Variants in MRAS observed in about 807,000 individuals in gnomAD.
MRAS encodes the protein ras-related protein M-Ras.
In MRAS, 4 loss-of-function variants were observed where a neutral mutation model predicts 20.9. The ratio of observed to expected loss-of-function variants is 0.19; its 90% CI spans 0.09 to 0.44. The LOEUF is 0.44. Ranked by LOEUF, MRAS falls within the 20% of genes least tolerant of loss-of-function variation. The pLI, the probability that MRAS is intolerant of heterozygous loss-of-function variation, is 0.99. For missense variants in MRAS, 154 were observed against 277.5 expected, an observed-to-expected ratio of 0.56 and a Z score of 3.16; for synonymous variants, 98 against 102.9, an observed-to-expected ratio of 0.95 and a Z score of 0.29.
chr3:138,390,840 T>G (rs1219228887), intron 2 of MRAS, among the ~76,000 whole-genome samples: 1 of 152,254 alleles, frequency 6.6e-6, no homozygotes, highest in African/African-American at 2.4e-5. Context: ...TATTAGTGTA[T>G]TTAGGTTTTA....
intron 2 of MRAS, among the ~76,000 whole-genome samples, chr3:138,380,460 G>C (rs2054877317): frequency 6.6e-6 from 1 of 151,226 alleles, no homozygotes. Flanking sequence ...TTACAGGCGT[G>C]CACCACCACG....
intron 2 of MRAS, among the ~76,000 whole-genome samples, chr3:138,394,592 C>T (rs1187234007): frequency 6.6e-6 from 1 of 152,208 alleles, no homozygotes; most frequent in Non-Finnish European, 1.5e-5. Context: ...CTCTTCTCTT[C>T]TCTATGTCTG....
chr3:138,378,150 C>T (rs1222734273), intron 2 of MRAS, among the ~76,000 whole-genome samples: 1 of 152,218 alleles, frequency 6.6e-6, no homozygotes, highest in Non-Finnish European at 1.5e-5. Flanking sequence ...TCTTACTCCT[C>T]ACCCAGGGTC....
At position 138,404,319 on chromosome 3, in the gene MRAS, CAG is replaced by C. The variant is rs2055416464; in HGVS notation, c.*2051_*2052del. ...GGAGTAGGAGAAGAAGCCCTGCACA[CAG>C]GGCAGTGTCCACAGCCAGAAAACTC... On this transcript the variant is annotated 3_prime_UTR_variant, in exon 6 of 6. Coordinates refer to ENST00000423968, the MANE Select transcript of MRAS (RefSeq NM_001085049.3). 6.6e-6 allele frequency: 1 copy of C among 152,230 alleles called. No homozygotes were observed. The highest frequency in any genetic ancestry group is 6.5e-5 in the Admixed American group (1 of 15,286). The allele number at this position is 152,230 out of a possible 1,614,324, so 9.4% of individuals were successfully genotyped here.
chr3:138,397,553 TTC>T, intron 3 of MRAS, 76 bp downstream of exon 3: 1 of 1,443,716 alleles, frequency 6.9e-7, no homozygotes, highest in Non-Finnish European at 9.4e-7. Context: ...CTCTCTCTCT[TTC>T]TCTTTCTCTC....
intron 1 of MRAS, among the ~76,000 whole-genome samples, chr3:138,355,434 C>G (rs1354794476): frequency 6.6e-6 from 1 of 152,192 alleles, no homozygotes; most frequent in Non-Finnish European, 1.5e-5. Flanking sequence ...TAAAGCTCTG[C>G]TTTTTAAAGC....
At position 138,403,739 on chromosome 3, in the gene MRAS, G is replaced by A. The variant is rs1279849276; in HGVS notation, c.*1470G>A. ...GGAACAACGCTGCACCAAAGAAAAGGTCAGAATAAAAGGCAGCACAGCTGG... is the reference window on the plus strand; with the variant it reads ...GGAACAACGCTGCACCAAAGAAAAGATCAGAATAAAAGGCAGCACAGCTGG... On this transcript the variant is annotated 3_prime_UTR_variant, in exon 6 of 6. Coordinates refer to ENST00000423968, the MANE Select transcript of MRAS (RefSeq NM_001085049.3). 3 of 152,656 alleles carry A rather than the reference G, an allele frequency of 2.0e-5. No individual in the cohort carries two copies. Among genetic ancestry groups the A allele is most frequent in the Non-Finnish European group, 4.4e-5 (3 of 68,050 alleles). The allele number at this position is 152,656 out of a possible 1,614,324, so 9.5% of individuals were successfully genotyped here.
At chr3:138,368,054 A>G (rs1036706006) in intron 1 of MRAS, among the ~76,000 whole-genome samples, 1 of 152,228 alleles carries the variant, frequency 6.6e-6, no homozygotes, top group Non-Finnish European at 1.5e-5. Flanking sequence ...TTGCCATGGG[A>G]ACCAGTTCAG....
intron 1 of MRAS, among the ~76,000 whole-genome samples, chr3:138,368,072 C>A (rs930296427): frequency 5.9e-5 from 9 of 152,270 alleles, no homozygotes; most frequent in Middle Eastern, 3.2e-3. Flanking sequence ...CAGCCGCCCC[C>A]ACGGCCAAGT....
chr3:138,396,712 G>A (rs953983361), intron 2 of MRAS, among the ~76,000 whole-genome samples: 6 of 152,234 alleles, frequency 3.9e-5, no homozygotes, highest in African/African-American at 1.4e-4. Flanking sequence ...CCCCAGCCTA[G>A]GAGGAAGTGC....
At chr3:138,384,553 G>A (rs561329962) in intron 2 of MRAS, among the ~76,000 whole-genome samples, 57 of 152,284 alleles carry the variant, frequency 3.7e-4, no homozygotes, top group African/African-American at 1.3e-3. Flanking sequence ...CAAGTTTTGA[G>A]GGGAAATCAA....
rs550734462 is a variant in MRAS at position 138,372,270 on chromosome 3, C to G, written c.-18-596C>G. Among the ~76,000 whole-genome samples the G allele has an allele frequency of 3.9e-5, 6 of 152,278 alleles. No individual in the cohort carries two copies. In the South Asian group the frequency reaches 8.3e-4, roughly 21 times the overall value. On this transcript the variant is annotated intron_variant, in intron 1 of 5. Transcript: ENST00000423968. ...ACAAAACTTCGACCTGCTCCTACCC[C>G]CTCCTCCCCAAATAAAATGATTCCC...
chr3:138,385,754 A>G (rs1367917003), intron 2 of MRAS, among the ~76,000 whole-genome samples: 2 of 152,080 alleles, frequency 1.3e-5, no homozygotes, highest in African/African-American at 4.8e-5. Context: ...ACCTCAGGTA[A>G]TCCACCTGCC....
intron 2 of MRAS, among the ~76,000 whole-genome samples, chr3:138,375,544 C>T (rs188856913): frequency 5.9e-5 from 9 of 152,294 alleles, no homozygotes; most frequent in East Asian, 1.9e-4. Context: ...GGGTCTCGCT[C>T]TGTTACCCAG....
chr3:138,402,384 CA>C lies in MRAS; in HGVS notation c.*116del. On this transcript the variant is annotated 3_prime_UTR_variant, in exon 6 of 6. Coordinates refer to ENST00000423968, the MANE Select transcript of MRAS (RefSeq NM_001085049.3). ...CAACCCTTGGCCCAAGGACTTGGTA[CA>C]GGAAGGGAGAAGGGCAGGTGGGCAG... 1.1e-6 allele frequency: 1 copy of C among 927,126 alleles called. No individual in the cohort carries two copies. Among genetic ancestry groups the C allele is most frequent in the Admixed American group, 2.6e-5 (1 of 38,220 alleles). The allele number at this position is 927,126 out of a possible 1,614,324, so 57.4% of individuals were successfully genotyped here.
chr3:138,372,040 A>G (rs766784906), intron 1 of MRAS, among the ~76,000 whole-genome samples: 2 of 152,048 alleles, frequency 1.3e-5, no homozygotes, highest in South Asian at 2.1e-4. Context: ...CCTCAGCACT[A>G]TTGACATTTT....
chr3:138,368,006 T>C (rs1168112623), intron 1 of MRAS, among the ~76,000 whole-genome samples: 1 of 152,254 alleles, frequency 6.6e-6, no homozygotes, highest in Non-Finnish European at 1.5e-5. Context: ...TGGGTTGCCA[T>C]GCAGCCTGTG....
At chr3:138,384,576 G>A (rs1408480852) in intron 2 of MRAS, among the ~76,000 whole-genome samples, 1 of 152,164 alleles carries the variant, frequency 6.6e-6, no homozygotes, top group Non-Finnish European at 1.5e-5. Context: ...GTCTAATTTT[G>A]GACGTGTTAA....
chr3:138,384,720 C>T (rs968831651), intron 2 of MRAS, among the ~76,000 whole-genome samples: 4 of 152,000 alleles, frequency 2.6e-5, no homozygotes, highest in Non-Finnish European at 4.4e-5. Context: ...GAGAGATCAC[C>T]AAGAATGTGA....
Sources: allele counts gnomAD v4.1 joint callset (sites outside exome capture counted in the v4.1 genomes callset), GRCh38; gene constraint gnomAD v4.1.1; transcripts MANE v1.5; gene names NCBI Gene and HGNC (gene_info 2026-07-23, HGNC 2026-07-21).